The following EPB41L4A variants were observed in gnomAD, a reference collection of about 807,000 sequenced individuals.
EPB41L4A encodes the protein erythrocyte membrane protein band 4.1 like 4A, also known as band 4.1-like protein 4A.
In EPB41L4A, 100 loss-of-function variants were observed where a neutral mutation model predicts 108.6. The ratio of observed to expected loss-of-function variants is 0.92; its 90% CI spans 0.78 to 1.09. The LOEUF is 1.09. EPB41L4A is among the 50% of genes least tolerant of loss of function. The pLI, the probability that EPB41L4A is intolerant of heterozygous loss-of-function variation, is 0.00. For missense variants in EPB41L4A, 1,030 were observed against 842.7 expected (o/e 1.22, Z -2.75); for synonymous variants, 319 against 289.0 (o/e 1.10, Z -1.05).
rs548887572 is a variant in EPB41L4A, at chr5:112,342,613, A to C, written c.100-35123T>G. The stretch of plus-strand genomic sequence containing the variant: ...GCTGAGGGTCTATTGTTCCTAGTCG[A>C]GCAAGAGCAGTCAGCAGTCAGCAGC... On this transcript the variant is annotated intron_variant, in intron 1 of 22. Coordinates refer to ENST00000261486, the MANE Select transcript of EPB41L4A (RefSeq NM_022140.5). Among the ~76,000 whole-genome samples the C allele has an allele frequency of 6.6e-5, 10 of 152,304 alleles. No homozygotes were observed. The South Asian group carries it at 2.1e-3, about 32-fold the overall frequency.
upstream of EPB41L4A, chr5:112,419,891 T>C (rs1237709495): frequency 2.2e-6 from 1 of 456,736 alleles, no homozygotes; most frequent in African/African-American, 2.0e-5. Context: ...GGCGGCGGAA[T>C]ACGGCTTCTT....
intron 12 of EPB41L4A, among the ~76,000 whole-genome samples, chr5:112,233,432 T>C (rs1382399459): frequency 6.6e-6 from 1 of 152,256 alleles, no homozygotes; most frequent in Non-Finnish European, 1.5e-5. Context: ...TACATGTATG[T>C]ATATGTCCAT....
At chr5:112,248,590 C>G (rs1750406704) in intron 9 of EPB41L4A, among the ~76,000 whole-genome samples, 1 of 152,152 alleles carries the variant, frequency 6.6e-6, no homozygotes. Flanking sequence ...AAACCTGACT[C>G]AAACCCCCAA....
chr5:112,168,363 A>G (rs1421597018), intron 22 of EPB41L4A, among the ~76,000 whole-genome samples: 1 of 152,252 alleles, frequency 6.6e-6, no homozygotes, highest in African/African-American at 2.4e-5. Flanking sequence ...TCTGTCTGCT[A>G]TCAGTTAACA....
chr5:112,396,250 A>T (rs75262110), intron 1 of EPB41L4A, among the ~76,000 whole-genome samples: 6,620 of 152,184 alleles, frequency 0.043, 154 homozygotes, highest in African/African-American at 0.05. Flanking sequence ...AAGTATAATT[A>T]AAAAAAATTA....
downstream of EPB41L4A, chr5:112,161,570 G>A (rs1759905861): frequency 1.9e-6 from 1 of 519,076 alleles, no homozygotes; most frequent in Admixed American, 1.9e-5. Flanking sequence ...GCCTTTTCCT[G>A]CCCTTAAATT....
intron 12 of EPB41L4A, among the ~76,000 whole-genome samples, chr5:112,232,655 A>G (rs1749038941): frequency 6.6e-6 from 1 of 152,194 alleles, no homozygotes; most frequent in Admixed American, 6.5e-5. Flanking sequence ...AAATGAAATG[A>G]TAGATGTCAT....
intron 1 of EPB41L4A, among the ~76,000 whole-genome samples, chr5:112,358,931 C>T (rs995391760): frequency 6.6e-6 from 1 of 152,062 alleles, no homozygotes; most frequent in African/African-American, 2.4e-5. Flanking sequence ...TGAAAGAAAA[C>T]AGACACAAAA....
downstream of EPB41L4A, chr5:112,162,485 G>A (rs890115384): frequency 2.6e-5 from 4 of 152,184 alleles, no homozygotes; most frequent in Non-Finnish European, 5.9e-5. Context: ...CTCAAAAATC[G>A]TGGCTAGAAC....
chr5:112,173,049 C>T (rs913066432), intron 18 of EPB41L4A, among the ~76,000 whole-genome samples: 2 of 152,132 alleles, frequency 1.3e-5, no homozygotes, highest in Non-Finnish European at 2.9e-5. Context: ...AGCAAAACTG[C>T]CCCCAGTTGG....
At chr5:112,380,956 T>G (rs991752048) in intron 1 of EPB41L4A, among the ~76,000 whole-genome samples, 12 of 152,062 alleles carry the variant, frequency 7.9e-5, no homozygotes, top group African/African-American at 2.7e-4. Context: ...ATGTCAACAA[T>G]CCCTCACAAA....
At chr5:112,285,966 C>T (rs1410850967) in intron 2 of EPB41L4A, among the ~76,000 whole-genome samples, 1 of 152,112 alleles carries the variant, frequency 6.6e-6, no homozygotes, top group African/African-American at 2.4e-5. Context: ...GCAGCTCCAA[C>T]GAACTGAAGC....
intron 22 of EPB41L4A, 118 bp downstream of exon 22, chr5:112,168,619 CAG>C (rs1760389068): frequency 1.0e-5 from 7 of 701,344 alleles, no homozygotes; most frequent in Non-Finnish European, 1.5e-5. Context: ...TACAGAATCT[CAG>C]AATGACATTA....
intron 1 of EPB41L4A, among the ~76,000 whole-genome samples, chr5:112,367,028 G>A (rs1474337601): frequency 6.6e-6 from 1 of 152,148 alleles, no homozygotes; most frequent in Non-Finnish European, 1.5e-5. Flanking sequence ...AACACACAGA[G>A]GACACACCTT....
intron 1 of EPB41L4A, among the ~76,000 whole-genome samples, chr5:112,404,367 T>C (rs1450635824): frequency 6.6e-6 from 1 of 152,242 alleles, no homozygotes; most frequent in Non-Finnish European, 1.5e-5. Flanking sequence ...GGCACAGAGT[T>C]AACTTGCCAA....
chr5:112,250,204 A>G (rs1274842443), intron 9 of EPB41L4A, among the ~76,000 whole-genome samples: 3 of 152,212 alleles, frequency 2.0e-5, no homozygotes, highest in Non-Finnish European at 2.9e-5. Context: ...TATGTGGGTT[A>G]TATTTCAAAA....
intron 1 of EPB41L4A, among the ~76,000 whole-genome samples, chr5:112,377,900 A>C (rs540881786): frequency 6.6e-6 from 1 of 152,250 alleles, no homozygotes; most frequent in East Asian, 1.9e-4. Flanking sequence ...CAACAAACCC[A>C]GTTCTCAGGG....
At chr5:112,190,709 CCCCCACT>C (rs1315062990) in intron 17 of EPB41L4A, among the ~76,000 whole-genome samples, 2 of 152,102 alleles carry the variant, frequency 1.3e-5, no homozygotes, top group Non-Finnish European at 2.9e-5. Flanking sequence ...AGCATACCTC[CCCCCACT>C]CCCTGCCAAC....
chr5:112,303,788 G>T lies in EPB41L4A; in HGVS notation c.204+3598C>A, dbSNP rs142649116. Among the ~76,000 whole-genome samples the T allele has an allele frequency of 6.4e-4, 97 of 152,250 alleles. 1 individual carries two copies. In the East Asian group the frequency reaches 0.017, roughly 26 times the overall value. On this transcript the variant is annotated intron_variant, in intron 2 of 22. Coordinates refer to ENST00000261486, the MANE Select transcript of EPB41L4A (RefSeq NM_022140.5). ...ATGTTTAGGAAACAATGGGATTTCA[G>T]AAGTGAATGTAAGAAACTTAGACAA...
Sources: gnomAD v4.1 joint callset for allele counts (sites outside exome capture counted in the v4.1 genomes callset) on GRCh38, gnomAD v4.1.1 for gene constraint, MANE v1.5 for transcripts, NCBI Gene and HGNC (gene_info 2026-07-23, HGNC 2026-07-21) for gene names.